ARHGEF16: variants seen among roughly 807,000 people sequenced by gnomAD.
The protein encoded by ARHGEF16 is Rho guanine nucleotide exchange factor 16, also known as Rho guanine exchange factor (GEF) 16.
A neutral mutation model predicts 74.1 loss-of-function variants in ARHGEF16; 59 were observed. That is an observed-to-expected ratio of 0.80 (90% confidence interval 0.65 to 0.99). The LOEUF is 0.99. ARHGEF16 is among the 50% of genes least tolerant of loss of function. ARHGEF16 has a pLI of 0.00. For synonymous variants in ARHGEF16, 415 were observed against 412.6 expected, an observed-to-expected ratio of 1.01 and a Z score of -0.07; for missense variants, 948 against 986.6, an observed-to-expected ratio of 0.96 and a Z score of 0.52.
chr1:3,469,490 G>C lies in ARHGEF16; in HGVS notation c.919G>C (p.Val307Leu). ...CTACCAGCACAGCCTGAGCATCCTGGTGGAGGAGTTCCTGCAGTCCAAGGA... is the reference window on the plus strand; with the variant it reads ...CTACCAGCACAGCCTGAGCATCCTGCTGGAGGAGTTCCTGCAGTCCAAGGA... ...FSYQHSLSILVEEFLQSKELR... is the reference protein window; with the variant it reads ...FSYQHSLSILLEEFLQSKELR... Residue 307 changes from valine (V) to leucine (L), a missense_variant, in exon 6 of 15, where the codon GTG becomes CTG. Coordinates refer to ENST00000378378, the MANE Select transcript of ARHGEF16 (RefSeq NM_014448.4). 6.2e-7 allele frequency: 1 copy of C among 1,613,216 alleles called. No homozygotes were observed. The highest frequency in any genetic ancestry group is 8.5e-7 in the Non-Finnish European group (1 of 1,179,996).
At position 3,466,219 on chromosome 1, in the gene ARHGEF16, C is replaced by T. The variant is rs12065090; in HGVS notation, c.634+26C>T. On this transcript the variant is annotated intron_variant, in intron 3 of 14. Transcript: ENST00000378378. ...GTGAGTGTGGCTTCGGGAGGCACCGCGGGCTGGGCTCCAGTTGAAACTGGT... is the reference window on the plus strand; with the variant it reads ...GTGAGTGTGGCTTCGGGAGGCACCGTGGGCTGGGCTCCAGTTGAAACTGGT... The T allele has an allele frequency of 1.3e-3, 2,017 of 1,531,324 alleles. 21 individuals are homozygous for T. The African/African-American group carries it at 0.025, about 19-fold the overall frequency. The allele number at this position is 1,531,324 out of a possible 1,614,324, so 94.9% of individuals were successfully genotyped here. A position where few individuals can be genotyped will look rare whatever the true frequency, so the allele number is the denominator to read the frequency against.
chr1:3,469,421 C>T lies in ARHGEF16; in HGVS notation c.862-12C>T, dbSNP rs1020735940. On this transcript the variant is annotated splice_polypyrimidine_tract_variant and intron_variant, in intron 5 of 14. Transcript: ENST00000378378. The stretch of plus-strand genomic sequence containing the variant: ...GCGTCACTGTGGGGCTCACCTAGGC[C>T]CCTCTCCACAGGCCATGTTCGAGAT... The T allele has an allele frequency of 2.5e-6, 4 of 1,612,506 alleles. No homozygotes were observed. Among genetic ancestry groups the T allele is most frequent in the African/African-American group, 1.3e-5 (1 of 74,898 alleles).
At chr1:3,476,956 G>A (rs1325644233) in intron 10 of ARHGEF16, among the ~76,000 whole-genome samples, 1 of 152,080 alleles carries the variant, frequency 6.6e-6, no homozygotes, top group African/African-American at 2.4e-5. Context: ...TCGAGTCTGG[G>A]GTGTAACGCC....
chr1:3,473,450 C>T lies in ARHGEF16; in HGVS notation c.1233C>T (p.Cys411=), dbSNP rs369663862. The change falls in exon 8 of 15, where the codon TGC becomes TGT. Residue 411 remains cysteine, a synonymous_variant. Coordinates refer to ENST00000378378, the MANE Select transcript of ARHGEF16 (RefSeq NM_014448.4). ...GAGAGATTGAGAGGCGGCCGGCGTGCGGGGGCCTGCCCATGCTCTCCTTCC... is the reference window on the plus strand; with the variant it reads ...GAGAGATTGAGAGGCGGCCGGCGTGTGGGGGCCTGCCCATGCTCTCCTTCC... ...ALREIERRPA[C]GGLPMLSFLI... is the part of the protein sequence containing the mutation. 88 of 1,612,420 alleles carry T rather than the reference C, an allele frequency of 5.5e-5. No homozygotes were observed. Among genetic ancestry groups the T allele is most frequent in the Non-Finnish European group, 6.9e-5 (82 of 1,179,956 alleles).
intron 5 of ARHGEF16, 106 bp downstream of exon 5, chr1:3,469,042 C>G: frequency 7.3e-7 from 1 of 1,360,672 alleles, no homozygotes; most frequent in Non-Finnish European, 1.0e-6. Flanking sequence ...CCTCTGCGGC[C>G]ACCTCCAGTG....
In ARHGEF16 at chr1:3,473,141, C is replaced by T; in HGVS notation, c.1086C>T (p.Ile362=). 1.2e-6 allele frequency: 2 copies of T among 1,613,486 alleles called. No homozygotes were observed. Among genetic ancestry groups the T allele is most frequent in the Non-Finnish European group, 1.7e-6 (2 of 1,179,994 alleles). Residue 362 remains isoleucine (I), a synonymous_variant, in exon 7 of 15, where the codon ATC becomes ATT. Transcript: ENST00000378378. ...AQVLVEDISD[I]LEEHAEKHFH... ...TGCTGGTCGAGGACATCAGTGACATCCTGGAGGAGCACGCTGAGAAGCACT... is the reference window on the plus strand; with the variant it reads ...TGCTGGTCGAGGACATCAGTGACATTCTGGAGGAGCACGCTGAGAAGCACT...
At position 3,478,567 on chromosome 1, in the gene ARHGEF16, A is replaced by C; in HGVS notation, c.1769A>C (p.Asn590Thr). 6.2e-7 allele frequency: 1 copy of C among 1,612,508 alleles called. No homozygotes were observed. The highest frequency in any genetic ancestry group is 1.7e-5 in the Admixed American group (1 of 60,018). The part of the protein sequence containing the change: ...PHPFQVTLLR[N>T]SEGRQEQLLL... Reference sequence around the variant, plus strand: ...CCCTTCCAGGTGACCCTGCTTCGCAACAGCGAGGGCCGCCAGGAGCAGCTC... The same window carrying C: ...CCCTTCCAGGTGACCCTGCTTCGCACCAGCGAGGGCCGCCAGGAGCAGCTC... The change falls in exon 12 of 15, where the codon AAC becomes ACC. Residue 590 changes from asparagine to threonine, a missense_variant. Asn to Thr is a moderately conservative substitution (Grantham distance 65). Transcript: ENST00000378378.
In ARHGEF16 at chr1:3,467,331, C is replaced by T. The variant is rs1260152375; in HGVS notation, c.798C>T (p.Leu266=). The T allele has an allele frequency of 1.5e-5, 23 of 1,548,852 alleles. No homozygotes were observed. Among genetic ancestry groups the T allele is most frequent in the Non-Finnish European group, 1.9e-5 (22 of 1,146,044 alleles). ...YRPAQVTWSQ[L]PEVVELGILD... ...CCGCCCAGGTCACCTGGAGCCAGCTCCCAGAGGTAGCGCCGGAGGGTGGGT... is the reference window on the plus strand; with the variant it reads ...CCGCCCAGGTCACCTGGAGCCAGCTTCCAGAGGTAGCGCCGGAGGGTGGGT... Residue 266 remains leucine, a synonymous_variant, in exon 4 of 15, where the codon CTC becomes CTT. Coordinates refer to ENST00000378378, the MANE Select transcript of ARHGEF16 (RefSeq NM_014448.4).
intron 2 of ARHGEF16, among the ~76,000 whole-genome samples, 192 bp downstream of exon 2, chr1:3,463,864 G>A (rs1271898390): frequency 6.6e-6 from 1 of 152,238 alleles, no homozygotes; most frequent in Non-Finnish European, 1.5e-5. Flanking sequence ...TACAGATGAG[G>A]CAGCAGAGGC....
chr1:3,467,302 C>A lies in ARHGEF16; in HGVS notation c.769C>A (p.Arg257=), dbSNP rs1462238873. Residue 257 remains arginine, a synonymous_variant, in exon 4 of 15, where the codon CGG becomes AGG. Coordinates refer to ENST00000378378, the MANE Select transcript of ARHGEF16 (RefSeq NM_014448.4). The stretch of plus-strand genomic sequence containing the variant: ...CGCCACCATTGTGGTCAAGAGCTAC[C>A]GGCCCGCCCAGGTCACCTGGAGCCA... The part of the protein sequence containing the change: ...VDATIVVKSY[R]PAQVTWSQLP... 1.9e-6 allele frequency: 3 copies of A among 1,550,112 alleles called. No homozygotes were observed. Among genetic ancestry groups the A allele is most frequent in the Non-Finnish European group, 2.6e-6 (3 of 1,146,752 alleles).
intron 2 of ARHGEF16, among the ~76,000 whole-genome samples, chr1:3,465,703 C>T (rs1639523471): frequency 6.6e-6 from 1 of 152,206 alleles, no homozygotes; most frequent in Non-Finnish European, 1.5e-5. Flanking sequence ...CCAGCCCTCC[C>T]GTCACTTCTG....
At chr1:3,480,321 C>A in intron 14 of ARHGEF16, 127 bp from the exon 15 acceptor site, 1 of 1,375,244 alleles carries the variant, frequency 7.3e-7, no homozygotes, top group Non-Finnish European at 9.8e-7. Context: ...GCTGTCTGCT[C>A]TGAGCAGGAG....
intron 4 of ARHGEF16, among the ~76,000 whole-genome samples, chr1:3,468,041 C>T (rs1234192432): frequency 2.0e-5 from 3 of 152,110 alleles, no homozygotes; most frequent in Admixed American, 1.3e-4. Context: ...AGGGCAGGCC[C>T]AGCGTGGGGT....
intron 2 of ARHGEF16, 132 bp from the exon 3 acceptor site, chr1:3,466,016 G>C (rs1297035824): frequency 1.0e-6 from 1 of 995,658 alleles, no homozygotes; most frequent in African/African-American, 1.6e-5. Context: ...GTGAGGCCCT[G>C]TGGAGCTGAC....
chr1:3,457,993 G>C (rs1639304109), intron 1 of ARHGEF16, among the ~76,000 whole-genome samples: 1 of 152,198 alleles, frequency 6.6e-6, no homozygotes, highest in South Asian at 2.1e-4. Flanking sequence ...AACCTCTATG[G>C]GGCTGCCCTG....
rs1335701459 is a variant in ARHGEF16, at chr1:3,463,292, C to T, written c.208C>T (p.Pro70Ser). The change falls in exon 2 of 15, where the codon CCC (proline) becomes TCC (serine). Residue 70 changes from proline to serine, a missense_variant. Pro to Ser is a moderately conservative substitution (Grantham distance 74). Coordinates refer to ENST00000378378, the MANE Select transcript of ARHGEF16 (RefSeq NM_014448.4). The stretch of plus-strand genomic sequence containing the variant: ...GCCCCCGGGGCACGAGGAGCCATGG[C>T]CCATCGTCCTGAGCACAGAGAGCCC... ...PRPPGHEEPWPIVLSTESPAA... is the reference protein window; with the variant it reads ...PRPPGHEEPWSIVLSTESPAA... The T allele has an allele frequency of 3.2e-6, 5 of 1,550,148 alleles. No individual in the cohort carries two copies. In the Admixed American group the frequency reaches 7.8e-5, roughly 24 times the overall value.
chr1:3,466,249 C>G, intron 3 of ARHGEF16, 56 bp downstream of exon 3: 1 of 1,490,970 alleles, frequency 6.7e-7, no homozygotes, highest in Non-Finnish European at 9.0e-7. Flanking sequence ...ACTGGTCTCA[C>G]TGGGGCACCC....
chr1:3,470,676 T>C (rs1639687402), intron 6 of ARHGEF16, among the ~76,000 whole-genome samples: 1 of 147,104 alleles, frequency 6.8e-6, no homozygotes, highest in Non-Finnish European at 1.5e-5. Flanking sequence ...TGTGAGTAGG[T>C]GTGTGTGCGT....
chr1:3,463,042 AC>A (rs1468331554), intron 1 of ARHGEF16, 23 bp from the exon 2 acceptor site: 2 of 1,419,942 alleles, frequency 1.4e-6, no homozygotes, highest in Non-Finnish European at 9.3e-7. Flanking sequence ...GCCTCACGAG[AC>A]CTCACTTCTG....
Sources: allele counts gnomAD v4.1 joint callset (sites outside exome capture counted in the v4.1 genomes callset), GRCh38; gene constraint gnomAD v4.1.1; transcripts MANE v1.5; gene names NCBI Gene and HGNC (gene_info 2026-07-23, HGNC 2026-07-21).